Variants in SLC24A2 observed in about 807,000 individuals in gnomAD.
SLC24A2 encodes the protein solute carrier family 24 member 2.
In SLC24A2, 36 loss-of-function variants were observed where a neutral mutation model predicts 62.0. That is an observed-to-expected ratio of 0.58 (90% CI 0.44 to 0.77). SLC24A2 has a LOEUF of 0.77. SLC24A2 is among the 30% of genes least tolerant of loss of function. The pLI, the probability that SLC24A2 is intolerant of heterozygous loss-of-function variation, is 0.00. For synonymous variants in SLC24A2, 358 were observed against 294.0 expected, an observed-to-expected ratio of 1.22 and a Z score of -2.23; for missense variants, 846 against 817.9, an observed-to-expected ratio of 1.03 and a Z score of -0.42.
At chr9:20,064,581 G>T in the SLC24A2 span, among the ~76,000 whole-genome samples, 87 of 152,260 alleles carry the variant, frequency 5.7e-4, 1 homozygote, top group African/African-American at 1.9e-3. Context: ...TACTTTTATT[G>T]TAGCACTTAA....
the SLC24A2 span, among the ~76,000 whole-genome samples, chr9:20,103,278 C>A: frequency 1.3e-5 from 2 of 152,152 alleles, no homozygotes; most frequent in African/African-American, 4.8e-5. Context: ...AGGGCACAGA[C>A]AAACAAAAAG....
the SLC24A2 span, among the ~76,000 whole-genome samples, chr9:20,190,166 G>A: frequency 1.3e-5 from 2 of 152,198 alleles, no homozygotes; most frequent in African/African-American, 4.8e-5. Context: ...GAGCTTGTAT[G>A]TGGTTGCTCT....
the SLC24A2 span, among the ~76,000 whole-genome samples, chr9:20,249,671 C>T: frequency 2.8e-5 from 4 of 145,224 alleles, no homozygotes; most frequent in Non-Finnish European, 1.5e-5. Context: ...CACCATTGCA[C>T]TCCAGCCTGG....
chr9:19,644,729 GT>G (rs60964660), intron 2 of SLC24A2, among the ~76,000 whole-genome samples: 9,792 of 151,022 alleles, frequency 0.065, 848 homozygotes, highest in African/African-American at 0.2. Context: ...ACAAGTTCAT[GT>G]TTTTTTTTAA....
At chr9:19,877,044 T>G in the SLC24A2 span, among the ~76,000 whole-genome samples, 1 of 152,010 alleles carries the variant, frequency 6.6e-6, no homozygotes, top group Non-Finnish European at 1.5e-5. Context: ...TCTCTCTATA[T>G]TAATATGAAC....
the SLC24A2 span, among the ~76,000 whole-genome samples, chr9:20,162,083 T>C: frequency 6.6e-6 from 1 of 151,636 alleles, no homozygotes; most frequent in East Asian, 1.9e-4. Flanking sequence ...AGATATAAAA[T>C]TAACCTATAA....
At chr9:20,112,012 C>T in the SLC24A2 span, among the ~76,000 whole-genome samples, 1 of 152,056 alleles carries the variant, frequency 6.6e-6, no homozygotes, top group Non-Finnish European at 1.5e-5. Context: ...TGAATAATAA[C>T]TAGGTCCACC....
intron 5 of SLC24A2, among the ~76,000 whole-genome samples, chr9:19,589,354 C>CAAAAGCCAGGTTAGA: frequency 6.6e-6 from 1 of 152,104 alleles, no homozygotes; most frequent in South Asian, 2.1e-4. Flanking sequence ...CAATTAATAA[C>CAAAAGCCAGGTTAGA]AAAAGCCAGG....
intron 1 of SLC24A2, 109 bp from the exon 2 acceptor site, chr9:19,787,128 T>G (rs1823199256): frequency 2.0e-6 from 1 of 501,292 alleles, no homozygotes; most frequent in Non-Finnish European, 2.6e-6. Flanking sequence ...CGATCTTGGG[T>G]AAGTTACTTA....
At chr9:20,294,349 C>T in the SLC24A2 span, among the ~76,000 whole-genome samples, 5 of 152,130 alleles carry the variant, frequency 3.3e-5, no homozygotes, top group Non-Finnish European at 5.9e-5. Context: ...GAATACCTCC[C>T]GCCCTAGGAA....
chr9:19,808,138 A>C, the SLC24A2 span, among the ~76,000 whole-genome samples: 1 of 152,188 alleles, frequency 6.6e-6, no homozygotes, highest in Non-Finnish European at 1.5e-5. The surrounding 1 kb of genome is among the most constrained non-coding windows in gnomAD (Gnocchi z 4.1). Flanking sequence ...TGCTTCAGGC[A>C]CCTAAGAAAT....
chr9:19,725,409 T>C lies in SLC24A2; in HGVS notation c.930+60528A>G, dbSNP rs139772612. On this transcript the variant is annotated intron_variant, in intron 2 of 10. Transcript: ENST00000341998. ...CCTCCTCCAGAATAAGTAAGTAGTT[T>C]AGGTAAGAATTTGGCTCAACATTTT... Among the ~76,000 whole-genome samples, 382 of 152,312 alleles carry C rather than the reference T, an allele frequency of 2.5e-3. 2 individuals are homozygous for C. The highest frequency in any genetic ancestry group is 8.8e-3 in the African/African-American group (364 of 41,564).
the SLC24A2 span, among the ~76,000 whole-genome samples, chr9:20,293,071 A>G: frequency 2.0e-5 from 3 of 152,148 alleles, no homozygotes; most frequent in African/African-American, 7.2e-5. Flanking sequence ...TGATCTTCAC[A>G]TGGCATTTCC....
At chr9:19,706,361 C>A (rs1820517345) in intron 2 of SLC24A2, among the ~76,000 whole-genome samples, 1 of 150,374 alleles carries the variant, frequency 6.7e-6, no homozygotes, top group Non-Finnish European at 1.5e-5. Flanking sequence ...GAACACAGCA[C>A]ACTGATGGGT....
At chr9:20,131,209 C>T in the SLC24A2 span, among the ~76,000 whole-genome samples, 1 of 152,068 alleles carries the variant, frequency 6.6e-6, no homozygotes, top group Non-Finnish European at 1.5e-5. Context: ...GGGAGGAGAT[C>T]TCCAAAGGCC....
chr9:20,009,289 G>A, the SLC24A2 span, among the ~76,000 whole-genome samples: 1 of 151,296 alleles, frequency 6.6e-6, no homozygotes, highest in Non-Finnish European at 1.5e-5. Flanking sequence ...GGAGGCTGAG[G>A]CATGAGAATC....
chr9:20,237,675 C>A, the SLC24A2 span, among the ~76,000 whole-genome samples: 1 of 152,152 alleles, frequency 6.6e-6, no homozygotes, highest in Non-Finnish European at 1.5e-5. Flanking sequence ...GGGAAGCACT[C>A]CGATTTTTTT....
rs1376646065 is a variant in SLC24A2 at position 19,509,363 on chromosome 9, A to G, written c.*6790T>C. 6.6e-6 allele frequency: 1 copy of G among 152,208 alleles called. No individual in the cohort carries two copies. The highest frequency in any genetic ancestry group is 1.5e-5 in the Non-Finnish European group (1 of 68,030). The allele number at this position is 152,208 out of a possible 1,614,324, so 9.4% of individuals were successfully genotyped here. On this transcript the variant is annotated 3_prime_UTR_variant, in exon 11 of 11. Transcript: ENST00000341998. ...TATAAGTAGATTAGGATTGCCTAGA[A>G]CAATAATTGTAGTTAATAAAAAATA...
At chr9:19,954,179 T>C in the SLC24A2 span, among the ~76,000 whole-genome samples, 1 of 152,146 alleles carries the variant, frequency 6.6e-6, no homozygotes, top group East Asian at 1.9e-4. Flanking sequence ...AACATGATTT[T>C]ACACTTTATA....
Sources: gnomAD v4.1 joint callset for allele counts (sites outside exome capture counted in the v4.1 genomes callset) on GRCh38, gnomAD v4.1.1 for gene constraint, Gnocchi (gnomAD v3.1) non-coding constraint, MANE v1.5 for transcripts, NCBI Gene and HGNC (gene_info 2026-07-23, HGNC 2026-07-21) for gene names.